ITSN2: variants seen among roughly 807,000 people sequenced by gnomAD.
The protein encoded by ITSN2 is intersectin-2.
In ITSN2, 156 loss-of-function variants were observed where a neutral mutation model predicts 243.7. That is an observed-to-expected ratio of 0.64 (90% CI 0.56 to 0.73). The LOEUF (loss-of-function observed/expected upper bound fraction) is 0.73, where lower values mean the gene tolerates loss of function less well. Ranked by LOEUF, ITSN2 falls within the 30% of genes least tolerant of loss-of-function variation. The pLI is 0.00. For missense variants in ITSN2, 1,801 were observed against 1,996.1 expected (o/e 0.90, Z 1.86); for synonymous variants, 703 against 699.9 (o/e 1.00, Z -0.07).
chr2:24,251,309 C>CAAAAAAAAAATAAAAAAA (rs1275035112), intron 25 of ITSN2, among the ~76,000 whole-genome samples: 7,915 of 21,982 alleles, frequency 0.36, 3,876 homozygotes, highest in Non-Finnish European at 0.42. Context: ...AACTCCATCT[C>CAAAAAAAAAATAAAAAAA]AAAAAAAAAA....
At position 24,328,767 on chromosome 2, in the gene ITSN2, G is replaced by GT. The variant is rs557599354; in HGVS notation, c.-33-653dup. ...CGTTAGCCACTGCACCCAGCCCATAGTATCATTTTTTAAAAACTCCCAAAC... is the reference window on the plus strand; with the variant it reads ...CGTTAGCCACTGCACCCAGCCCATAGTTATCATTTTTTAAAAACTCCCAAAC... On this transcript the variant is annotated intron_variant, in intron 1 of 39. Transcript: ENST00000355123. 7.2e-5 allele frequency among the ~76,000 whole-genome samples: 11 copies of GT among 152,196 alleles called. No homozygotes were observed. The South Asian group carries it at 2.3e-3, about 32-fold the overall frequency.
chr2:24,306,177 A>C (rs921902330), intron 8 of ITSN2, among the ~76,000 whole-genome samples: 4 of 152,074 alleles, frequency 2.6e-5, no homozygotes, highest in South Asian at 2.1e-4. Context: ...ATGGGGTTTC[A>C]CCATGTTGAC....
intron 8 of ITSN2, among the ~76,000 whole-genome samples, chr2:24,307,578 C>G (rs55747619): frequency 0.04 from 6,152 of 152,290 alleles, 238 homozygotes; most frequent in East Asian, 0.2. Flanking sequence ...CATGCTTCCA[C>G]AAGAGGTAAC....
chr2:24,286,746 A>G (rs1246527311), intron 15 of ITSN2, among the ~76,000 whole-genome samples: 1 of 152,216 alleles, frequency 6.6e-6, no homozygotes, highest in Admixed American at 6.5e-5. Context: ...TAGAAACTAT[A>G]GTTAAAGTAG....
intron 17 of ITSN2, among the ~76,000 whole-genome samples, chr2:24,283,515 T>G (rs1389508854): frequency 6.6e-6 from 1 of 152,252 alleles, no homozygotes; most frequent in East Asian, 1.9e-4. Context: ...CGTGAGCCAC[T>G]GCGCCTGGCC....
At chr2:24,342,846 T>G (rs1414767913) in intron 1 of ITSN2, among the ~76,000 whole-genome samples, 1 of 151,786 alleles carries the variant, frequency 6.6e-6, no homozygotes, top group East Asian at 1.9e-4. Context: ...ATCCTAGCAC[T>G]TGGGAGGCCG....
chr2:24,215,575 G>A (rs532519073), intron 32 of ITSN2, among the ~76,000 whole-genome samples: 40 of 151,682 alleles, frequency 2.6e-4, no homozygotes, highest in African/African-American at 7.3e-4. Flanking sequence ...GCTGAGGTAG[G>A]AGAATCTCTT....
At chr2:24,339,279 TG>T (rs2151898301) in intron 1 of ITSN2, among the ~76,000 whole-genome samples, 1 of 149,934 alleles carries the variant, frequency 6.7e-6, no homozygotes, top group South Asian at 2.1e-4. Flanking sequence ...ATTTGAGTCC[TG>T]GGCTACACAA....
intron 1 of ITSN2, chr2:24,334,988 G>A (rs1460547634): frequency 9.7e-6 from 3 of 308,322 alleles, no homozygotes; most frequent in South Asian, 3.2e-5. Context: ...GCGTGAACCC[G>A]GGAGGCGGAG....
chr2:24,260,960 C>A, intron 22 of ITSN2, 146 bp downstream of exon 22: 4 of 494,562 alleles, frequency 8.1e-6, no homozygotes, highest in Non-Finnish European at 1.4e-5. Context: ...ATTTCTTCAA[C>A]TTCACATCAC....
intron 1 of ITSN2, among the ~76,000 whole-genome samples, chr2:24,343,090 CAAAA>C (rs1254724019): frequency 1.5e-5 from 1 of 68,550 alleles, no homozygotes; most frequent in Non-Finnish European, 3.0e-5. Flanking sequence ...GACCCCATCT[CAAAA>C]AAAAAAAAAA....
In ITSN2 at chr2:24,211,374, G is replaced by GA. The variant is rs1156858081; in HGVS notation, c.4090-428dup. On this transcript the variant is annotated intron_variant, in intron 33 of 39. Coordinates refer to ENST00000355123, the MANE Select transcript of ITSN2 (RefSeq NM_006277.3). This position sits in a 1 kb window ranked among gnomAD's most constrained non-coding sequence, Gnocchi z 4.1. ...CAATTTTGGGGTCACTGATCCTTTTGAAAAAAATCTGATGAAAGCAATGAC... is the reference window on the plus strand; with the variant it reads ...CAATTTTGGGGTCACTGATCCTTTTGAAAAAAAATCTGATGAAAGCAATGAC... Among the ~76,000 whole-genome samples the GA allele has an allele frequency of 6.6e-6, 1 of 152,094 alleles. No individual in the cohort carries two copies. The highest frequency in any genetic ancestry group is 1.5e-5 in the Non-Finnish European group (1 of 67,998).
chr2:24,354,189 T>A (rs755494651), intron 1 of ITSN2, among the ~76,000 whole-genome samples: 4 of 152,140 alleles, frequency 2.6e-5, no homozygotes, highest in Non-Finnish European at 5.9e-5. Context: ...CCTGGAAGGG[T>A]CTCAGGCCCA....
intron 1 of ITSN2, among the ~76,000 whole-genome samples, chr2:24,336,491 C>T (rs1686394021): frequency 6.6e-6 from 1 of 152,198 alleles, no homozygotes. Context: ...CACTGTATCA[C>T]ATACTCCAGG....
At chr2:24,345,517 G>A (rs2551136) in intron 1 of ITSN2, among the ~76,000 whole-genome samples, 148,932 of 152,294 alleles carry the variant, frequency 0.98, 72,818 homozygotes, top group East Asian at 0.99. Context: ...TACCACATTC[G>A]ATTCTACATA....
intron 3 of ITSN2, among the ~76,000 whole-genome samples, chr2:24,314,592 C>T (rs562358028): frequency 6.6e-6 from 1 of 152,224 alleles, no homozygotes; most frequent in South Asian, 2.1e-4. Context: ...TATCATTGTT[C>T]TCATAGTTAC....
In ITSN2 at chr2:24,203,570, T is replaced by C. The variant is rs1294559981; in HGVS notation, c.*56A>G. 2 of 1,558,426 alleles carry C rather than the reference T, an allele frequency of 1.3e-6. No individual in the cohort carries two copies. The highest frequency in any genetic ancestry group is 1.2e-5 in the South Asian group (1 of 85,522). On this transcript the variant is annotated 3_prime_UTR_variant, in exon 40 of 40. Coordinates refer to ENST00000355123, the MANE Select transcript of ITSN2 (RefSeq NM_006277.3). ...CTCAGCCCCAAGAGAGCGCAGTCTC[T>C]CATTCTCCAGCCCCAGCCTTGTGGG...
At chr2:24,327,582 G>C (rs1394282722) in intron 2 of ITSN2, among the ~76,000 whole-genome samples, 7 of 151,948 alleles carry the variant, frequency 4.6e-5, no homozygotes, top group South Asian at 4.2e-4. Context: ...ACAGGCATGA[G>C]CCACCACACC....
chr2:24,271,754 C>T lies in ITSN2; in HGVS notation c.2257+12G>A, dbSNP rs775426812. The stretch of plus-strand genomic sequence containing the variant: ...CATTTGTTCTACTGTCTCAAAGTAT[C>T]CTTATCCTTACGTTTTTTCTCCTCA... On this transcript the variant is annotated intron_variant, in intron 19 of 39. Transcript: ENST00000355123. 1 of 1,573,508 alleles carries T rather than the reference C, an allele frequency of 6.4e-7. No homozygotes were observed. The highest frequency in any genetic ancestry group is 2.0e-5 in the Admixed American group (1 of 51,132).
Sources: allele counts gnomAD v4.1 joint callset (sites outside exome capture counted in the v4.1 genomes callset), GRCh38; gene constraint gnomAD v4.1.1; non-coding constraint Gnocchi (gnomAD v3.1); transcripts MANE v1.5; gene names NCBI Gene and HGNC (gene_info 2026-07-23, HGNC 2026-07-21).